Variants in MED12L observed in about 807,000 individuals in gnomAD.
The protein encoded by MED12L is mediator complex subunit 12L.
MED12L carries 60 observed loss-of-function variants against 281.3 expected under a neutral mutation model. That is an observed-to-expected ratio of 0.21 (90% CI 0.17 to 0.26). The LOEUF is 0.26. Among genes scored for constraint, MED12L ranks in the 10% least tolerant of loss-of-function variants. MED12L has a pLI of 1.00. For missense variants in MED12L, 2,146 were observed against 2,680.9 expected, an observed-to-expected ratio of 0.80 and a Z score of 4.41; for synonymous variants, 974 against 987.2, an observed-to-expected ratio of 0.99 and a Z score of 0.25.
intron 5 of MED12L, among the ~76,000 whole-genome samples, chr3:151,144,532 C>T (rs1576821351): frequency 6.6e-6 from 1 of 152,182 alleles, no homozygotes; most frequent in South Asian, 2.1e-4. Flanking sequence ...TCAGAGGCCT[C>T]GGCCCCCTGT....
chr3:151,427,118 C>A (rs550851362), intron 43 of MED12L, among the ~76,000 whole-genome samples: 2 of 152,208 alleles, frequency 1.3e-5, no homozygotes, highest in South Asian at 4.1e-4. Flanking sequence ...TGTGCCTGGC[C>A]TGGTTTACAT....
chr3:151,212,048 T>C (rs1440303674), intron 16 of MED12L: 2 of 152,242 alleles, frequency 1.3e-5, no homozygotes, highest in African/African-American at 4.8e-5. Context: ...ATAAAGAAAC[T>C]ACATATGTCT....
chr3:151,199,182 C>G, intron 16 of MED12L: 1 of 1,614,162 alleles, frequency 6.2e-7, no homozygotes, highest in Middle Eastern at 1.6e-4. Flanking sequence ...ACAATTTTCA[C>G]TGGTAATGCC....
At chr3:151,196,315 G>T (rs576404896) in intron 16 of MED12L, among the ~76,000 whole-genome samples, 1 of 152,274 alleles carries the variant, frequency 6.6e-6, no homozygotes, top group South Asian at 2.1e-4. Flanking sequence ...TTCAGAAGAA[G>T]CCAAAGGATA....
At chr3:151,330,955 T>C (rs543007535) in intron 16 of MED12L, among the ~76,000 whole-genome samples, 2 of 152,216 alleles carry the variant, frequency 1.3e-5, no homozygotes, top group African/African-American at 2.4e-5. Context: ...AATTTTCCTA[T>C]AGCCCCAAAT....
intron 43 of MED12L, among the ~76,000 whole-genome samples, chr3:151,421,398 GT>G (rs59213541): frequency 0.2 from 28,675 of 145,132 alleles, 2,815 homozygotes; most frequent in Middle Eastern, 0.31. Flanking sequence ...GCTTTACTGT[GT>G]TTTTTTTTTT....
At chr3:151,341,317 A>G (rs1014039457) in intron 16 of MED12L, among the ~76,000 whole-genome samples, 3 of 152,124 alleles carry the variant, frequency 2.0e-5, no homozygotes, top group African/African-American at 7.2e-5. Flanking sequence ...CCAAAATTAC[A>G]TTAGAGAAGT....
At chr3:151,360,836 C>T (rs1028309850) in intron 21 of MED12L, among the ~76,000 whole-genome samples, 4 of 151,846 alleles carry the variant, frequency 2.6e-5, no homozygotes, top group African/African-American at 9.7e-5. Context: ...TTTTTTCCCC[C>T]AATATTGAAA....
intron 16 of MED12L, among the ~76,000 whole-genome samples, chr3:151,293,580 C>A (rs1403327523): frequency 2.3e-5 from 2 of 85,792 alleles, no homozygotes; most frequent in African/African-American, 7.2e-5. Flanking sequence ...AGCCCTTACA[C>A]ACACACACAC....
intron 11 of MED12L, among the ~76,000 whole-genome samples, chr3:151,178,157 CAAAAAAAAAAAAAAA>C (rs10572929): frequency 1.8e-4 from 9 of 49,124 alleles, no homozygotes; most frequent in African/African-American, 2.6e-4. Flanking sequence ...GACTTGGTCT[CAAAAAAAAAAAAAAA>C]AAAAAAAAAA....
intron 16 of MED12L, among the ~76,000 whole-genome samples, chr3:151,289,626 C>T (rs1743988870): frequency 6.6e-6 from 1 of 152,142 alleles, no homozygotes. Flanking sequence ...GATTTACATT[C>T]TTTATGCTAA....
chr3:151,158,549 A>C lies in MED12L; in HGVS notation c.727-140A>C. On this transcript the variant is annotated intron_variant, in intron 6 of 44. Transcript: ENST00000687756. ...CATATTAGTTATTTGTTTTGTTTAG[A>C]ATTTGGACTGTGAGCAATGAGACTA... The C allele has an allele frequency of 1.2e-5, 7 of 569,210 alleles. No individual in the cohort carries two copies. The Admixed American group carries it at 2.4e-4, about 20-fold the overall frequency. 35.3% of individuals were successfully genotyped at this position (569,210 alleles called of 1,614,324 possible). A position where few individuals can be genotyped will look rare whatever the true frequency, so the allele number is the denominator to read the frequency against.
intron 16 of MED12L, among the ~76,000 whole-genome samples, chr3:151,320,711 TCTGA>T (rs1437470519): frequency 6.6e-6 from 1 of 152,224 alleles, no homozygotes; most frequent in African/African-American, 2.4e-5. Context: ...AGGCTGCATC[TCTGA>T]CTGTTGTCCT....
intron 16 of MED12L, among the ~76,000 whole-genome samples, chr3:151,242,559 G>C (rs996271366): frequency 1.3e-5 from 2 of 152,188 alleles, no homozygotes; most frequent in Non-Finnish European, 2.9e-5. Context: ...TGAGGGTCCT[G>C]TCTGTTACAA....
intron 16 of MED12L, among the ~76,000 whole-genome samples, chr3:151,247,962 C>CTTTTTTTTTTTTTTTT (rs61102632): frequency 7.9e-5 from 6 of 75,900 alleles, no homozygotes; most frequent in African/African-American, 1.6e-4. Flanking sequence ...TCTTCTTCTT[C>CTTTTTTTTTTTTTTTT]TTTTTTTTTT....
chr3:151,332,897 C>T (rs1305614396), intron 16 of MED12L, among the ~76,000 whole-genome samples: 1 of 152,140 alleles, frequency 6.6e-6, no homozygotes, highest in Non-Finnish European at 1.5e-5. Context: ...CCTCCTCCCA[C>T]CCACTACCCT....
At chr3:151,231,258 G>A (rs1295027295) in intron 16 of MED12L, among the ~76,000 whole-genome samples, 1 of 152,210 alleles carries the variant, frequency 6.6e-6, no homozygotes, top group African/African-American at 2.4e-5. Flanking sequence ...CAACCTCAGT[G>A]TGATAACTGA....
At chr3:151,353,892 A>T (rs559238080) in intron 17 of MED12L, among the ~76,000 whole-genome samples, 1 of 152,162 alleles carries the variant, frequency 6.6e-6, no homozygotes, top group African/African-American at 2.4e-5. Context: ...CTGTAATCCC[A>T]GCACTTTGGG....
chr3:151,348,623 A>G (rs1752858601), intron 16 of MED12L, among the ~76,000 whole-genome samples: 1 of 150,334 alleles, frequency 6.7e-6, no homozygotes, highest in Admixed American at 6.6e-5. Flanking sequence ...ATTAAGAATC[A>G]TTTGGGGGTG....
Sources: gnomAD v4.1 joint callset for allele counts (sites outside exome capture counted in the v4.1 genomes callset) on GRCh38, gnomAD v4.1.1 for gene constraint, MANE v1.5 for transcripts, NCBI Gene and HGNC (gene_info 2026-07-23, HGNC 2026-07-21) for gene names.